PSMD13: variants seen among roughly 807,000 people sequenced by gnomAD.
PSMD13 encodes the protein proteasome 26S subunit, non-ATPase 13.
In PSMD13, 8 loss-of-function variants were observed where a neutral mutation model predicts 57.4. That is an observed-to-expected ratio of 0.14 (90% CI 0.08 to 0.25). The LOEUF (loss-of-function observed/expected upper bound fraction) is 0.25, where lower values mean the gene tolerates loss of function less well. Among genes scored for constraint, PSMD13 ranks in the 10% least tolerant of loss-of-function variants. PSMD13 has a pLI of 1.00. For synonymous variants in PSMD13, 193 were observed against 168.2 expected, an observed-to-expected ratio of 1.15 and a Z score of -1.14; for missense variants, 400 against 461.5, an observed-to-expected ratio of 0.87 and a Z score of 1.22.
chr11:252,778 G>T lies in PSMD13; in HGVS notation c.*178G>T, dbSNP rs184828985. The T allele has an allele frequency of 4.8e-3, 2,791 of 586,036 alleles. 9 individuals are homozygous for T. The highest frequency in any genetic ancestry group is 7.4e-3 in the Non-Finnish European group (2,458 of 330,966). 36.3% of individuals were successfully genotyped at this position (586,036 alleles called of 1,614,324 possible). A position where few individuals can be genotyped will look rare whatever the true frequency, so the allele number is the denominator to read the frequency against. On this transcript the variant is annotated 3_prime_UTR_variant, in exon 13 of 13. Coordinates refer to ENST00000532097, the MANE Select transcript of PSMD13 (RefSeq NM_002817.4). The surrounding 1 kb of genome is among the most constrained non-coding windows in gnomAD (Gnocchi z 4.1). ...TGTCCCTGATGGGAGCCAGGCCACA[G>T]GGAGGAGGCTTCTTTGTGGGTCTCT... is the stretch of plus-strand genomic sequence containing the variant.
intron 5 of PSMD13, 73 bp downstream of exon 5, chr11:244,542 C>A: frequency 6.5e-7 from 1 of 1,541,522 alleles, no homozygotes; most frequent in Non-Finnish European, 9.0e-7. Context: ...TGTGTTCATG[C>A]TCACTGTCCA....
In PSMD13 at chr11:251,078, C is replaced by T. The variant is rs1859757629; in HGVS notation, c.837+213C>T. On this transcript the variant is annotated intron_variant, in intron 10 of 12. Transcript: ENST00000532097. This position sits in a 1 kb window ranked among gnomAD's most constrained non-coding sequence, Gnocchi z 4.6. ...TTAGCTCAGACGACACCCTCCCACC[C>T]CACTGCCACCACCCTGAGGCCTTCC... 1.8e-6 allele frequency: 1 copy of T among 554,926 alleles called. No individual in the cohort carries two copies. Among genetic ancestry groups the T allele is most frequent in the African/African-American group, 1.9e-5 (1 of 53,204 alleles). 34.4% of individuals were successfully genotyped at this position (554,926 alleles called of 1,614,324 possible).
intron 7 of PSMD13, 190 bp from the exon 8 acceptor site, chr11:248,586 C>A: frequency 1.7e-6 from 1 of 594,444 alleles, no homozygotes; most frequent in Non-Finnish European, 3.0e-6. Flanking sequence ...CCCAAAAAAC[C>A]CATGTATATA....
chr11:252,860 C>T lies in PSMD13; in HGVS notation c.*260C>T. On this transcript the variant is annotated 3_prime_UTR_variant, in exon 13 of 13. Transcript: ENST00000532097. This position sits in a 1 kb window ranked among gnomAD's most constrained non-coding sequence, Gnocchi z 4.1. The stretch of plus-strand genomic sequence containing the variant: ...GTGATACGGGAGAGAAAGAACGTGC[C>T]AGGCAGGAGGCCCCCTGAAGTCTGT... The T allele has an allele frequency of 2.4e-6, 1 of 417,652 alleles. No homozygotes were observed. The highest frequency in any genetic ancestry group is 4.5e-6 in the Non-Finnish European group (1 of 224,294). The allele number at this position is 417,652 out of a possible 1,614,324, so 25.9% of individuals were successfully genotyped here. A position where few individuals can be genotyped will look rare whatever the true frequency, so the allele number is the denominator to read the frequency against.
intron 9 of PSMD13, among the ~76,000 whole-genome samples, chr11:249,536 T>C (rs1205823): frequency 0.092 from 11,202 of 121,488 alleles, 519 homozygotes; most frequent in African/African-American, 0.12. Context: ...GGGAGAGCGG[T>C]GGGTGCAGGG....
Position 247,230 on chromosome 11 carries a change from T to C in PSMD13, c.397-47T>C, listed in dbSNP as rs60613367. 0.01 allele frequency: 15,847 copies of C among 1,550,132 alleles called. 1,451 individuals are homozygous for C. The African/African-American group carries it at 0.2, about 19-fold the overall frequency. ...AGACCCTGTCTCTAAAAAAATAAAA[T>C]AAACTTTTAACTTAAAAAGAGAGAT... On this transcript the variant is annotated intron_variant, in intron 6 of 12. Transcript: ENST00000532097.
chr11:237,976 A>C (rs1047017919), intron 1 of PSMD13, among the ~76,000 whole-genome samples: 3 of 152,238 alleles, frequency 2.0e-5, no homozygotes, highest in Non-Finnish European at 4.4e-5. Context: ...GATGTTTAGC[A>C]TTCAGCAGCC....
intron 2 of PSMD13, among the ~76,000 whole-genome samples, chr11:239,714 C>T (rs116784266): frequency 2.3e-3 from 347 of 152,220 alleles, no homozygotes; most frequent in African/African-American, 7.9e-3. Context: ...CAAATACGCA[C>T]CTTCTTTCCC....
At chr11:239,798 A>G (rs1019472635) in intron 2 of PSMD13, among the ~76,000 whole-genome samples, 3 of 152,054 alleles carry the variant, frequency 2.0e-5, no homozygotes, top group Non-Finnish European at 2.9e-5. Flanking sequence ...GTTTTTCCTG[A>G]CATCTTACTC....
Position 252,063 on chromosome 11 carries a change from G to T in PSMD13, c.1035+127G>T. The T allele has an allele frequency of 1.1e-6, 1 of 876,116 alleles. No homozygotes were observed. Among genetic ancestry groups the T allele is most frequent in the Admixed American group, 2.3e-5 (1 of 43,430 alleles). 54.3% of individuals were successfully genotyped at this position (876,116 alleles called of 1,614,324 possible). A position where few individuals can be genotyped will look rare whatever the true frequency, so the allele number is the denominator to read the frequency against. On this transcript the variant is annotated intron_variant, in intron 12 of 12. Coordinates refer to ENST00000532097, the MANE Select transcript of PSMD13 (RefSeq NM_002817.4). The surrounding 1 kb of genome is among the most constrained non-coding windows in gnomAD (Gnocchi z 4.1). ...TTATTAGACAAGAGGTTTTGGAGAA[G>T]GAAATACTGCTGTTGGGTTTTTCTA... is the stretch of plus-strand genomic sequence containing the variant.
In PSMD13 at chr11:252,473, T is replaced by A. The variant is rs1353185054; in HGVS notation, c.1036-32T>A. On this transcript the variant is annotated intron_variant, in intron 12 of 12. Transcript: ENST00000532097. The surrounding 1 kb of genome is among the most constrained non-coding windows in gnomAD (Gnocchi z 4.1). ...CTCGGCCTGTGTCTCCTGCGTGTCT[T>A]AACGTCCCTTGTGTCCGGATTTCCA... The A allele has an allele frequency of 6.2e-7, 1 of 1,609,568 alleles. No homozygotes were observed. The highest frequency in any genetic ancestry group is 8.5e-7 in the Non-Finnish European group (1 of 1,176,036).
At chr11:241,668 C>T (rs749059397) in intron 2 of PSMD13, among the ~76,000 whole-genome samples, 3 of 152,076 alleles carry the variant, frequency 2.0e-5, no homozygotes, top group South Asian at 2.1e-4. Flanking sequence ...TCTCTGTGAC[C>T]GGCCCACATC....
At chr11:237,250 A>C (rs939519373) in intron 1 of PSMD13, 106 bp downstream of exon 1, 4 of 1,056,182 alleles carry the variant, frequency 3.8e-6, no homozygotes, top group Non-Finnish European at 5.4e-6. Flanking sequence ...CCCAGACCCA[A>C]GTTGGGGGGA....
intron 1 of PSMD13, among the ~76,000 whole-genome samples, chr11:238,118 G>C (rs771761500): frequency 6.6e-6 from 1 of 152,178 alleles, no homozygotes; most frequent in Non-Finnish European, 1.5e-5. Context: ...TGGATGAAGC[G>C]CTATGTCACT....
intron 2 of PSMD13, chr11:243,205 G>A: frequency 8.1e-6 from 5 of 616,142 alleles, no homozygotes; most frequent in South Asian, 1.5e-5. Context: ...CATTTATGCT[G>A]CACACAACAT....
chr11:244,803 A>C, intron 6 of PSMD13, 42 bp downstream of exon 6: 1 of 1,410,084 alleles, frequency 7.1e-7, no homozygotes, highest in Non-Finnish European at 9.8e-7. Flanking sequence ...GTTTAAAATT[A>C]TTTAAAACCC....
intron 6 of PSMD13, 36 bp downstream of exon 6, chr11:244,797 A>T: frequency 7.0e-7 from 1 of 1,424,894 alleles, no homozygotes; most frequent in Non-Finnish European, 9.7e-7. Flanking sequence ...TCTTTGGTTT[A>T]AAATTATTTA....
In PSMD13 at chr11:248,988, C is replaced by T. The variant is rs1859712881; in HGVS notation, c.705C>T (p.Asp235=). Residue 235 remains aspartate, a synonymous_variant, in exon 9 of 13, where the codon GAC becomes GAT. Transcript: ENST00000532097. ...LRNTDRQWLI[D]TLYAFNSGNV... is the part of the protein sequence containing the mutation. ...ATACTGACCGGCAGTGGCTGATTGA[C>T]ACCCTCTATGCCTTCAACAGTGGCA... 1 of 1,614,126 alleles carries T rather than the reference C, an allele frequency of 6.2e-7. No homozygotes were observed. Among genetic ancestry groups the T allele is most frequent in the Non-Finnish European group, 8.5e-7 (1 of 1,180,034 alleles).
At chr11:240,101 CTTTTTT>C (rs60869932) in intron 2 of PSMD13, among the ~76,000 whole-genome samples, 145 of 51,422 alleles carry the variant, frequency 2.8e-3, no homozygotes, top group African/African-American at 9.9e-3. Context: ...ATGAGACCTG[CTTTTTT>C]TTTTTTTTTT....
Sources: gnomAD v4.1 joint callset for allele counts (sites outside exome capture counted in the v4.1 genomes callset) on GRCh38, gnomAD v4.1.1 for gene constraint, Gnocchi (gnomAD v3.1) non-coding constraint, MANE v1.5 for transcripts, NCBI Gene and HGNC (gene_info 2026-07-23, HGNC 2026-07-21) for gene names.